NXPE2: variants seen among roughly 807,000 people sequenced by gnomAD.
NXPE2 encodes NXPE family member 2.
In NXPE2, 34 loss-of-function variants were observed where a neutral mutation model predicts 34.4. The observed-to-expected ratio is 0.99, with a 90% CI of 0.75 to 1.31. The LOEUF (loss-of-function observed/expected upper bound fraction) is 1.31. Ranked by LOEUF, NXPE2 falls within the 40% of genes most tolerant of loss-of-function variation. NXPE2 has a pLI of 0.00. For missense variants in NXPE2, 649 were observed against 672.5 expected, an observed-to-expected ratio of 0.97 and a Z score of 0.39; for synonymous variants, 235 against 231.3, an observed-to-expected ratio of 1.02 and a Z score of -0.15.
chr11:114,554,514 A>G, the NXPE2 span: 1 of 338,246 alleles, frequency 3.0e-6, no homozygotes, highest in Non-Finnish European at 4.2e-6. Context: ...ACAAAAGCCA[A>G]TTATACTGAG....
the NXPE2 span, among the ~76,000 whole-genome samples, chr11:114,525,573 C>G: frequency 2.0e-5 from 3 of 152,094 alleles, no homozygotes; most frequent in Non-Finnish European, 4.4e-5. Context: ...CCCCTTCCCC[C>G]CTTACTATTC....
the NXPE2 span, chr11:114,595,484 C>A: frequency 6.6e-6 from 1 of 152,246 alleles, no homozygotes; most frequent in Non-Finnish European, 1.5e-5. Flanking sequence ...CTAGAAGCAC[C>A]TTTCACCCCA....
chr11:114,619,775 G>C, the NXPE2 span, among the ~76,000 whole-genome samples: 1 of 152,034 alleles, frequency 6.6e-6, no homozygotes, highest in African/African-American at 2.4e-5. Context: ...GTTACCAGGT[G>C]GATAATAAGT....
chr11:114,609,752 G>A, the NXPE2 span, among the ~76,000 whole-genome samples: 5 of 151,590 alleles, frequency 3.3e-5, no homozygotes, highest in South Asian at 6.2e-4. Flanking sequence ...ACTGTTACCC[G>A]GTGGACAATA....
At chr11:114,687,099 G>A (rs1951061907) in intron 2 of NXPE2, among the ~76,000 whole-genome samples, 1 of 151,986 alleles carries the variant, frequency 6.6e-6, no homozygotes, top group East Asian at 1.9e-4. Context: ...TTTTGCTGTG[G>A]AGAAGCTCTT....
At chr11:114,632,483 C>T in the NXPE2 span, among the ~76,000 whole-genome samples, 2 of 122,770 alleles carry the variant, frequency 1.6e-5, no homozygotes, top group African/African-American at 3.0e-5. Context: ...CTATATAATA[C>T]TCCATAATAT....
intron 2 of NXPE2, among the ~76,000 whole-genome samples, chr11:114,684,793 T>C (rs754779422): frequency 6.6e-6 from 1 of 151,774 alleles, no homozygotes; most frequent in Non-Finnish European, 1.5e-5. Context: ...AAGGAGGAAA[T>C]AGGAAAGAGA....
At chr11:114,783,471 A>T in the NXPE2 span, among the ~76,000 whole-genome samples, 17 of 152,302 alleles carry the variant, frequency 1.1e-4, no homozygotes, top group East Asian at 3.3e-3. Context: ...AATATGACCG[A>T]AAGAGCCATT....
At chr11:114,541,086 TACTTATA>T in the NXPE2 span, among the ~76,000 whole-genome samples, 1 of 152,096 alleles carries the variant, frequency 6.6e-6, no homozygotes, top group African/African-American at 2.4e-5. Flanking sequence ...AGATGTGATT[TACTTATA>T]ACCACAGGTT....
At chr11:114,505,488 C>A in the NXPE2 span, among the ~76,000 whole-genome samples, 63 of 152,072 alleles carry the variant, frequency 4.1e-4, 1 homozygote, top group Admixed American at 4.1e-3. Context: ...AAGGCCAGGT[C>A]ATATACAAAG....
At chr11:114,631,554 G>T in the NXPE2 span, among the ~76,000 whole-genome samples, 1 of 151,040 alleles carries the variant, frequency 6.6e-6, no homozygotes, top group African/African-American at 2.4e-5. Context: ...GGATAGCACT[G>T]GGAGATATAC....
At chr11:114,601,694 TTATA>T in the NXPE2 span, among the ~76,000 whole-genome samples, 2 of 68,558 alleles carry the variant, frequency 2.9e-5, no homozygotes, top group African/African-American at 6.8e-5. Flanking sequence ...TTATATATAT[TTATA>T]ATTCTTTATA....
the NXPE2 span, among the ~76,000 whole-genome samples, chr11:114,808,979 A>G: frequency 1.3e-5 from 2 of 152,202 alleles, no homozygotes; most frequent in African/African-American, 4.8e-5. Flanking sequence ...GCAACACATC[A>G]AAAAGCTTAT....
At chr11:114,563,292 A>T in the NXPE2 span, among the ~76,000 whole-genome samples, 1 of 152,182 alleles carries the variant, frequency 6.6e-6, no homozygotes, top group South Asian at 2.1e-4. Context: ...CTCTCTTTTT[A>T]TCTCTCAGGA....
the NXPE2 span, among the ~76,000 whole-genome samples, chr11:114,551,741 A>G: frequency 1.3e-5 from 2 of 152,088 alleles, no homozygotes; most frequent in East Asian, 1.9e-4. Flanking sequence ...TCAGGAATGA[A>G]TTACTCTGCA....
chr11:114,755,716 CTCTG>C, the NXPE2 span, among the ~76,000 whole-genome samples: 7 of 145,018 alleles, frequency 4.8e-5, no homozygotes, highest in Admixed American at 1.4e-4. Context: ...ATCCATCTAT[CTCTG>C]TCTATCTCTT....
the NXPE2 span, chr11:114,582,564 C>G: frequency 6.2e-7 from 1 of 1,614,180 alleles, no homozygotes; most frequent in Non-Finnish European, 8.5e-7. Context: ...CACCCCTTCA[C>G]TGGGGTGGAT....
chr11:114,665,034 C>G, the NXPE2 span, among the ~76,000 whole-genome samples: 1 of 152,078 alleles, frequency 6.6e-6, no homozygotes, highest in African/African-American at 2.4e-5. Flanking sequence ...GAACATAACC[C>G]CATGTAAGCT....
the NXPE2 span, among the ~76,000 whole-genome samples, chr11:114,498,568 A>C: frequency 1.3e-5 from 2 of 152,100 alleles, no homozygotes; most frequent in African/African-American, 2.4e-5. Context: ...ATTTAATGAG[A>C]GTGCACTCTG....
Sources: gnomAD v4.1 joint callset for allele counts (sites outside exome capture counted in the v4.1 genomes callset) on GRCh38, gnomAD v4.1.1 for gene constraint, MANE v1.5 for transcripts, NCBI Gene and HGNC (gene_info 2026-07-23, HGNC 2026-07-21) for gene names.